The following CNPY1 variants were observed in gnomAD, a reference collection of about 807,000 sequenced individuals.
CNPY1 encodes protein canopy homolog 1.
Under a neutral mutation model 14.4 loss-of-function variants are expected in CNPY1, and 14 were observed. The observed-to-expected ratio is 0.97, with a 90% CI of 0.64 to 1.52. The LOEUF is 1.52. CNPY1 is among the 40% of genes most tolerant of loss of function. The pLI, the probability that CNPY1 is intolerant of heterozygous loss-of-function variation, is 0.00. For synonymous variants in CNPY1, 43 were observed against 46.5 expected (o/e 0.92, Z 0.31); for missense variants, 129 against 131.5 (o/e 0.98, Z 0.09).
At chr7:155,503,874 G>A (rs1187911848) in intron 4 of CNPY1, among the ~76,000 whole-genome samples, 3 of 152,112 alleles carry the variant, frequency 2.0e-5, no homozygotes, top group Non-Finnish European at 4.4e-5. Context: ...ATACTTCCAT[G>A]AGTATTAGAA....
At chr7:155,532,381 GGGAGGCCGAGGCGGGCGGATCACAA>G (rs1796952303) in intron 2 of CNPY1, among the ~76,000 whole-genome samples, 1 of 151,394 alleles carries the variant, frequency 6.6e-6, no homozygotes. Context: ...CCAGCACTTT[GGGAGGCCGAGGCGGGCGGATCACAA>G]GGTCAGGAGA....
intron 2 of CNPY1, among the ~76,000 whole-genome samples, chr7:155,535,311 G>A (rs566819207): frequency 1.5e-4 from 23 of 152,272 alleles, no homozygotes; most frequent in African/African-American, 3.9e-4. Flanking sequence ...GAGCTGTGCC[G>A]GACCAACAGC....
intron 2 of CNPY1, among the ~76,000 whole-genome samples, chr7:155,512,350 A>G (rs902599647): frequency 2.0e-5 from 3 of 152,214 alleles, no homozygotes; most frequent in African/African-American, 7.2e-5. Context: ...CTCCAAGTCA[A>G]TCCTAACTTT....
chr7:155,541,254 C>T (rs1166315375), intron 2 of CNPY1, among the ~76,000 whole-genome samples: 1 of 152,228 alleles, frequency 6.6e-6, no homozygotes, highest in African/African-American at 2.4e-5. Flanking sequence ...AGCTCCCAGC[C>T]TATCATGAAC....
chr7:155,542,509 C>T (rs1038741656), intron 2 of CNPY1, among the ~76,000 whole-genome samples: 7 of 152,172 alleles, frequency 4.6e-5, no homozygotes, highest in Non-Finnish European at 7.4e-5. Context: ...CTGGGCCTCA[C>T]GTGGAAAGAG....
intron 2 of CNPY1, among the ~76,000 whole-genome samples, chr7:155,533,530 C>T (rs1020095380): frequency 4.6e-5 from 7 of 152,190 alleles, no homozygotes; most frequent in Non-Finnish European, 8.8e-5. Flanking sequence ...GGGCCAGCTC[C>T]GCCACCCAGC....
chr7:155,539,635 C>T (rs924886195), intron 2 of CNPY1, among the ~76,000 whole-genome samples: 4 of 152,156 alleles, frequency 2.6e-5, no homozygotes, highest in African/African-American at 9.7e-5. Flanking sequence ...GGGAAAGCTT[C>T]CCTTCTGCTC....
At chr7:155,513,844 T>C (rs546356480) in intron 2 of CNPY1, among the ~76,000 whole-genome samples, 1 of 152,376 alleles carries the variant, frequency 6.6e-6, no homozygotes, top group South Asian at 2.1e-4. Context: ...AAATGCAAAA[T>C]TGGTACTAGC....
intron 2 of CNPY1, among the ~76,000 whole-genome samples, chr7:155,516,951 C>T (rs531836224): frequency 9.2e-5 from 14 of 152,274 alleles, no homozygotes; most frequent in African/African-American, 3.1e-4. Flanking sequence ...TTGGGGTCTC[C>T]GCCACCCTGG....
chr7:155,530,453 A>G (rs771835970), intron 2 of CNPY1, among the ~76,000 whole-genome samples: 4 of 151,958 alleles, frequency 2.6e-5, no homozygotes, highest in Admixed American at 6.6e-5. Flanking sequence ...CACCTGCCCA[A>G]GTAGCTAGGA....
intron 2 of CNPY1, among the ~76,000 whole-genome samples, chr7:155,543,322 C>T (rs748379944): frequency 4.6e-5 from 7 of 152,162 alleles, no homozygotes; most frequent in Non-Finnish European, 4.4e-5. Context: ...AAGCTGAGCA[C>T]GTGCTCTGTG....
At chr7:155,521,681 G>A (rs929643690) in intron 2 of CNPY1, among the ~76,000 whole-genome samples, 1 of 152,222 alleles carries the variant, frequency 6.6e-6, no homozygotes, top group Non-Finnish European at 1.5e-5. Flanking sequence ...AATATTTAAT[G>A]ACACATGAAA....
intron 2 of CNPY1, among the ~76,000 whole-genome samples, chr7:155,534,828 G>C (rs1036969634): frequency 6.6e-6 from 1 of 152,234 alleles, no homozygotes; most frequent in Non-Finnish European, 1.5e-5. Flanking sequence ...GGCGCTGGGC[G>C]GCTCCTGAGC....
chr7:155,523,144 G>A (rs1796755658), intron 2 of CNPY1, among the ~76,000 whole-genome samples: 2 of 152,234 alleles, frequency 1.3e-5, no homozygotes, highest in Non-Finnish European at 2.9e-5. Context: ...AGTTTTGACA[G>A]CTTGTTTTGA....
At chr7:155,509,212 T>G in intron 2 of CNPY1, 115 bp from the exon 3 acceptor site, 2 of 589,912 alleles carry the variant, frequency 3.4e-6, no homozygotes, top group Non-Finnish European at 5.8e-6. Context: ...CGTGTGCCAC[T>G]TCCCTAGCAC....
chr7:155,521,956 C>A (rs1296370029), intron 2 of CNPY1, among the ~76,000 whole-genome samples: 1 of 152,244 alleles, frequency 6.6e-6, no homozygotes, highest in East Asian at 1.9e-4. Flanking sequence ...AGGTCCCCAA[C>A]TGCTCATGCC....
intron 2 of CNPY1, among the ~76,000 whole-genome samples, chr7:155,517,344 G>A (rs1212248232): frequency 6.6e-6 from 1 of 152,336 alleles, no homozygotes; most frequent in East Asian, 1.9e-4. Context: ...CCAGCCCTGA[G>A]ACACCTTGAT....
At chr7:155,511,105 T>A (rs1796521923) in intron 2 of CNPY1, among the ~76,000 whole-genome samples, 1 of 152,160 alleles carries the variant, frequency 6.6e-6, no homozygotes, top group South Asian at 2.1e-4. Context: ...ATCAAGAAAT[T>A]CATTCTCTCT....
chr7:155,544,311 C>T (rs1313694982), intron 2 of CNPY1, among the ~76,000 whole-genome samples: 1 of 152,190 alleles, frequency 6.6e-6, no homozygotes, highest in Non-Finnish European at 1.5e-5. Flanking sequence ...AGGCTGTCGC[C>T]CAGCAGCTGT....
Sources: allele counts gnomAD v4.1 joint callset (sites outside exome capture counted in the v4.1 genomes callset), GRCh38; gene constraint gnomAD v4.1.1; transcripts MANE v1.5; gene names NCBI Gene and HGNC (gene_info 2026-07-23, HGNC 2026-07-21).